The following TBL1X variants were observed in gnomAD, a reference collection of about 807,000 sequenced individuals.
The protein encoded by TBL1X is F-box-like/WD repeat-containing protein TBL1X.
TBL1X carries 10 observed loss-of-function variants against 50.7 expected under a neutral mutation model. The ratio of observed to expected loss-of-function variants is 0.20; its 90% CI spans 0.12 to 0.33. The LOEUF (loss-of-function observed/expected upper bound fraction) is 0.33. Among genes scored for constraint, TBL1X ranks in the 10% least tolerant of loss-of-function variants. The pLI is 1.00. For synonymous variants in TBL1X, 190 were observed against 214.7 expected, an observed-to-expected ratio of 0.88 and a Z score of 1.01; for missense variants, 340 against 504.4, an observed-to-expected ratio of 0.67 and a Z score of 3.12.
At chrX:9,716,104 A>G in intron 17 of TBL1X, 116 bp from the exon 18 acceptor site, 2 of 775,793 alleles carry the variant, frequency 2.6e-6, no homozygotes, top group South Asian at 2.3e-5. Flanking sequence ...AACTTTACTG[A>G]CAAACATCGG....
intron 5 of TBL1X, among the ~76,000 whole-genome samples, chrX:9,668,336 G>T (rs997431947): frequency 9.3e-6 from 1 of 107,978 alleles, no homozygotes; most frequent in Non-Finnish European, 1.9e-5. Flanking sequence ...TTGAATGCGG[G>T]TCTCTGATAA....
At chrX:9,527,806 CTTTTTCTTGGTGGAGGAG>C (rs1397931121) in intron 2 of TBL1X, among the ~76,000 whole-genome samples, 1 of 110,533 alleles carries the variant, frequency 9.0e-6, no homozygotes, top group Non-Finnish European at 1.9e-5. Context: ...CAAACTTTTT[CTTTTTCTTGGTGGAGGAG>C]TGGAGCAGGG....
chrX:9,657,401 A>G (rs1266056162), intron 5 of TBL1X, among the ~76,000 whole-genome samples: 1 of 111,520 alleles, frequency 9.0e-6, no homozygotes. Context: ...CATCTCCTTC[A>G]CCAGTGCCTC....
At chrX:9,493,794 C>A (rs190188424) in intron 1 of TBL1X, among the ~76,000 whole-genome samples, 1,308 of 110,753 alleles carry the variant, frequency 0.012, 16 homozygotes, top group African/African-American at 0.039. Flanking sequence ...ACAAAAAAAA[C>A]CAAAAAACAA....
At chrX:9,574,185 T>G (rs1332883063) in intron 2 of TBL1X, among the ~76,000 whole-genome samples, 1 of 110,462 alleles carries the variant, frequency 9.1e-6, no homozygotes, top group Non-Finnish European at 1.9e-5. Context: ...TTGCTGTGGC[T>G]GGGTGCAGTG....
chrX:9,681,856 CAG>C (rs759920760), intron 5 of TBL1X, among the ~76,000 whole-genome samples: 77 of 112,751 alleles, frequency 6.8e-4, no homozygotes, highest in African/African-American at 2.4e-3. Flanking sequence ...CAAAAGATCT[CAG>C]AGACTGATTG....
At chrX:9,690,341 C>G (rs1029836533) in intron 7 of TBL1X, among the ~76,000 whole-genome samples, 7 of 112,023 alleles carry the variant, frequency 6.2e-5, no homozygotes, top group Admixed American at 5.7e-4. Flanking sequence ...GCTGGAGGAC[C>G]AAGATCAAGG....
At chrX:9,601,863 G>A (rs751200117) in intron 2 of TBL1X, among the ~76,000 whole-genome samples, 7 of 111,653 alleles carry the variant, frequency 6.3e-5, no homozygotes, top group African/African-American at 1.3e-4. Flanking sequence ...CCAACATGGC[G>A]AAACCCTGTA....
intron 1 of TBL1X, among the ~76,000 whole-genome samples, chrX:9,474,693 A>T (rs1048898241): frequency 8.8e-6 from 1 of 113,074 alleles, no homozygotes; most frequent in Non-Finnish European, 1.9e-5. Flanking sequence ...CATTGTTTTC[A>T]TAATCACTGA....
chrX:9,571,404 T>C (rs1416765571), intron 2 of TBL1X, among the ~76,000 whole-genome samples: 1 of 112,095 alleles, frequency 8.9e-6, no homozygotes, highest in Non-Finnish European at 1.9e-5. Flanking sequence ...ATCTAATTTA[T>C]TTTGAGTTAT....
In TBL1X at chrX:9,488,166, T is replaced by C. The variant is rs143233489; in HGVS notation, c.-200-13614T>C. Among the ~76,000 whole-genome samples, 401 of 112,420 alleles carry C rather than the reference T, an allele frequency of 3.6e-3. 1 individual carries two copies. Among genetic ancestry groups the C allele is most frequent in the Non-Finnish European group, 5.8e-3 (307 of 53,342 alleles). ...CATTGTACTTTACTGGTTGGTGTTATAATTGATCATATTCATTTCTTGTCC... is the reference window on the plus strand; with the variant it reads ...CATTGTACTTTACTGGTTGGTGTTACAATTGATCATATTCATTTCTTGTCC... On this transcript the variant is annotated intron_variant, in intron 1 of 17. Coordinates refer to ENST00000645353, the MANE Select transcript of TBL1X (RefSeq NM_005647.4).
intron 1 of TBL1X, among the ~76,000 whole-genome samples, chrX:9,490,585 A>T (rs1241499605): frequency 8.9e-6 from 1 of 112,041 alleles, no homozygotes; most frequent in Non-Finnish European, 1.9e-5. Flanking sequence ...TTTGAGAACC[A>T]TGTCTTGCAA....
chrX:9,695,153 C>T (rs952418463), intron 11 of TBL1X, among the ~76,000 whole-genome samples: 3 of 111,748 alleles, frequency 2.7e-5, no homozygotes, highest in Admixed American at 9.5e-5. Flanking sequence ...AGCCACACCC[C>T]TTTGTTGAGA....
chrX:9,567,312 G>T (rs1374549968), intron 2 of TBL1X, among the ~76,000 whole-genome samples: 1 of 111,492 alleles, frequency 9.0e-6, no homozygotes, highest in Admixed American at 9.5e-5. Flanking sequence ...GAAGACCCTG[G>T]CCTCCTTATC....
chrX:9,528,986 C>G (rs2082146609), intron 2 of TBL1X, among the ~76,000 whole-genome samples: 1 of 111,989 alleles, frequency 8.9e-6, no homozygotes, highest in Admixed American at 9.4e-5. Flanking sequence ...GTTGGCTGTT[C>G]TGGAAACCAG....
intron 2 of TBL1X, among the ~76,000 whole-genome samples, chrX:9,508,728 A>G (rs1179420227): frequency 1.8e-5 from 2 of 112,199 alleles, no homozygotes; most frequent in Non-Finnish European, 3.8e-5. Context: ...AAAATGTGGC[A>G]CATATACATC....
At chrX:9,611,508 T>G (rs1178168728) in intron 2 of TBL1X, among the ~76,000 whole-genome samples, 1 of 112,176 alleles carries the variant, frequency 8.9e-6, no homozygotes, top group Non-Finnish European at 1.9e-5. Context: ...TGCCCAAGCA[T>G]CTGTAGGCGG....
intron 2 of TBL1X, among the ~76,000 whole-genome samples, chrX:9,617,887 G>A (rs974908848): frequency 4.5e-5 from 5 of 111,902 alleles, no homozygotes; most frequent in Middle Eastern, 4.6e-3. Flanking sequence ...AGAATGGGCC[G>A]CTCAGCCTCT....
intron 7 of TBL1X, among the ~76,000 whole-genome samples, chrX:9,688,893 GCGCGCATGCA>G (rs2083078782): frequency 8.8e-6 from 1 of 113,715 alleles, no homozygotes; most frequent in South Asian, 3.5e-4. Context: ...CGCACCGTGT[GCGCGCATGCA>G]CTTGCATGCA....
Sources: gnomAD v4.1 joint callset for allele counts (sites outside exome capture counted in the v4.1 genomes callset) on GRCh38, gnomAD v4.1.1 for gene constraint, MANE v1.5 for transcripts, NCBI Gene and HGNC (gene_info 2026-07-23, HGNC 2026-07-21) for gene names.